Variants in PIK3CD observed in about 807,000 individuals in gnomAD.
PIK3CD encodes phosphatidylinositol 4,5-bisphosphate 3-kinase catalytic subunit delta isoform.
In PIK3CD, 20 loss-of-function variants were observed where a neutral mutation model predicts 122.9. That is an observed-to-expected ratio of 0.16 (90% CI 0.11 to 0.24). PIK3CD has a LOEUF of 0.24. Ranked by LOEUF, PIK3CD falls within the 10% of genes least tolerant of loss-of-function variation. The pLI is 1.00. For missense variants in PIK3CD, 787 were observed against 1,406.3 expected (o/e 0.56, Z 7.04); for synonymous variants, 596 against 593.4 (o/e 1.00, Z -0.06).
intron 1 of PIK3CD, among the ~76,000 whole-genome samples, chr1:9,677,246 G>A (rs1645572978): frequency 6.6e-6 from 1 of 152,216 alleles, no homozygotes; most frequent in South Asian, 2.1e-4. Flanking sequence ...GAGTGTGTGT[G>A]TGTGTTTTGG....
At chr1:9,627,416 G>T in the PIK3CD span, among the ~76,000 whole-genome samples, 2 of 152,258 alleles carry the variant, frequency 1.3e-5, no homozygotes, top group Non-Finnish European at 2.9e-5. Flanking sequence ...GAGAGCACGA[G>T]CATCCAACAG....
intron 1 of PIK3CD, among the ~76,000 whole-genome samples, chr1:9,660,073 G>T (rs531532764): frequency 6.6e-6 from 1 of 152,106 alleles, no homozygotes; most frequent in Non-Finnish European, 1.5e-5. Context: ...GTGCCACCAC[G>T]CCCAGCTAGT....
At chr1:9,643,541 TAGAGC>T in the PIK3CD span, among the ~76,000 whole-genome samples, 10 of 152,092 alleles carry the variant, frequency 6.6e-5, no homozygotes, top group Non-Finnish European at 1.2e-4. Context: ...ATAACTCTTC[TAGAGC>T]AGAAACATCC....
the PIK3CD span, among the ~76,000 whole-genome samples, chr1:9,627,401 A>T: frequency 1.3e-5 from 2 of 152,236 alleles, no homozygotes; most frequent in Non-Finnish European, 2.9e-5. Flanking sequence ...CCCGTGCACG[A>T]GGCTGAGAGC....
chr1:9,636,935 T>C, the PIK3CD span, among the ~76,000 whole-genome samples: 26 of 151,874 alleles, frequency 1.7e-4, no homozygotes, highest in Admixed American at 8.5e-4. Context: ...TCTCTCTCTG[T>C]CACCCAGGCT....
chr1:9,641,753 C>T, the PIK3CD span, among the ~76,000 whole-genome samples: 2 of 152,144 alleles, frequency 1.3e-5, no homozygotes, highest in Non-Finnish European at 2.9e-5. Flanking sequence ...GGATGGAGGG[C>T]ACAAGGCCAG....
intron 2 of PIK3CD, among the ~76,000 whole-genome samples, chr1:9,695,853 A>AAAAAAAAG (rs1406553453): frequency 1.3e-5 from 2 of 150,248 alleles, no homozygotes; most frequent in South Asian, 2.1e-4. Flanking sequence ...CAAAAAAAAA[A>AAAAAAAAG]AAAAGAAAAG....
At chr1:9,693,452 C>T (rs1257040723) in intron 2 of PIK3CD, among the ~76,000 whole-genome samples, 3 of 151,828 alleles carry the variant, frequency 2.0e-5, no homozygotes, top group Non-Finnish European at 2.9e-5. Flanking sequence ...AGGCTGGTCT[C>T]GAACTCCTGA....
In PIK3CD at chr1:9,710,519, G is replaced by A. The variant is rs775849617; in HGVS notation, c.64G>A (p.Val22Ile). The change falls in exon 3 of 24, where the codon GTT becomes ATT. Residue 22 changes from valine to isoleucine, a missense_variant. Transcript: ENST00000377346. This position sits in a 1 kb window ranked among gnomAD's most constrained non-coding sequence, Gnocchi z 4.7. The stretch of plus-strand genomic sequence containing the variant: ...CAAGGAGGAGAATCAGAGCGTTGTG[G>A]TTGACTTCCTGCTGCCCACAGGGGT... Reference protein sequence around the residue: ...WTKEENQSVVVDFLLPTGVYL... With the variant: ...WTKEENQSVVIDFLLPTGVYL... 6.2e-7 allele frequency: 1 copy of A among 1,614,104 alleles called. No homozygotes were observed. The highest frequency in any genetic ancestry group is 1.1e-5 in the South Asian group (1 of 91,078).
Position 9,727,857 on chromosome 1 carries a change from T to C in PIK3CD, c.*811T>C. On this transcript the variant is annotated 3_prime_UTR_variant, in exon 24 of 24. Coordinates refer to ENST00000377346, the MANE Select transcript of PIK3CD (RefSeq NM_005026.5). Reference sequence around the variant, plus strand: ...TCTTCCTCTGTTGCCCAGGCTGGAGTGCAGTGGTGCAATCTTGGCTCACTG... The same window carrying C: ...TCTTCCTCTGTTGCCCAGGCTGGAGCGCAGTGGTGCAATCTTGGCTCACTG... The C allele has an allele frequency of 5.6e-6, 1 of 177,828 alleles. No individual in the cohort carries two copies. Among genetic ancestry groups the C allele is most frequent in the East Asian group, 9.4e-5 (1 of 10,656 alleles). 11.0% of individuals were successfully genotyped at this position (177,828 alleles called of 1,614,324 possible). A position where few individuals can be genotyped will look rare whatever the true frequency, so the allele number is the denominator to read the frequency against.
upstream of PIK3CD, among the ~76,000 whole-genome samples, chr1:9,650,493 G>A (rs1029577349): frequency 3.3e-5 from 5 of 151,994 alleles, no homozygotes; most frequent in Admixed American, 2.0e-4. Context: ...GTGTCGTGGC[G>A]TGTGCCTGTA....
chr1:9,728,548 T>G lies in PIK3CD; in HGVS notation c.*1502T>G, dbSNP rs1650049867. 1 of 152,274 alleles carries G rather than the reference T, an allele frequency of 6.6e-6. No individual in the cohort carries two copies. Among genetic ancestry groups the G allele is most frequent in the Non-Finnish European group, 1.5e-5 (1 of 68,048 alleles). The allele number at this position is 152,274 out of a possible 1,614,324, so 9.4% of individuals were successfully genotyped here. A position where few individuals can be genotyped will look rare whatever the true frequency, so the allele number is the denominator to read the frequency against. On this transcript the variant is annotated 3_prime_UTR_variant, in exon 24 of 24. Transcript: ENST00000377346. Reference sequence around the variant, plus strand: ...TCAGCGGCTCAGGTGCCAGCTCTGTTCTGATTCACCAGGGGTCCGTCAGTA... The same window carrying G: ...TCAGCGGCTCAGGTGCCAGCTCTGTGCTGATTCACCAGGGGTCCGTCAGTA...
intron 2 of PIK3CD, among the ~76,000 whole-genome samples, chr1:9,692,621 T>C (rs911949819): frequency 6.6e-5 from 10 of 151,958 alleles, no homozygotes; most frequent in African/African-American, 2.4e-4. Context: ...TCCCAGCTAC[T>C]CGAGAGGCTG....
At chr1:9,711,799 A>G (rs1647062995) in intron 3 of PIK3CD, among the ~76,000 whole-genome samples, 2 of 152,020 alleles carry the variant, frequency 1.3e-5, no homozygotes, top group African/African-American at 4.8e-5. Context: ...CCAGGCTAGA[A>G]TGTGCCTTTC....
the PIK3CD span, among the ~76,000 whole-genome samples, chr1:9,633,007 G>A: frequency 2.7e-3 from 408 of 151,990 alleles, 4 homozygotes; most frequent in African/African-American, 9.4e-3. Flanking sequence ...GACTACAGGT[G>A]CCTGCAACCA....
chr1:9,633,042 T>C, the PIK3CD span, among the ~76,000 whole-genome samples: 3 of 151,988 alleles, frequency 2.0e-5, no homozygotes, highest in African/African-American at 7.3e-5. Flanking sequence ...TTTGTATTTT[T>C]AGTAGAGACG....
chr1:9,653,854 T>C (rs1466818340), intron 1 of PIK3CD: 1 of 1,367,594 alleles, frequency 7.3e-7, no homozygotes, highest in South Asian at 1.1e-5. Flanking sequence ...CTTGGTCCTC[T>C]TTTGGTGCTT....
intron 3 of PIK3CD, among the ~76,000 whole-genome samples, chr1:9,713,184 C>CA (rs1411096374): frequency 6.6e-6 from 1 of 150,598 alleles, no homozygotes; most frequent in East Asian, 2.0e-4. Context: ...AACTCTGTCT[C>CA]AAAAAAAAAT....
chr1:9,629,706 T>A, the PIK3CD span, among the ~76,000 whole-genome samples: 1 of 151,872 alleles, frequency 6.6e-6, no homozygotes, highest in Non-Finnish European at 1.5e-5. Flanking sequence ...AGGTGTGAAG[T>A]TCGGTCTAAA....
Sources: allele counts gnomAD v4.1 joint callset (sites outside exome capture counted in the v4.1 genomes callset), GRCh38; gene constraint gnomAD v4.1.1; non-coding constraint Gnocchi (gnomAD v3.1); transcripts MANE v1.5; gene names NCBI Gene and HGNC (gene_info 2026-07-23, HGNC 2026-07-21).